ATXN1: variants seen among roughly 807,000 people sequenced by gnomAD.
The protein encoded by ATXN1 is ataxin 1, also known as ataxin-1.
Under a neutral mutation model 56.4 loss-of-function variants are expected in ATXN1, and 8 were observed. The ratio of observed to expected loss-of-function variants is 0.14; its 90% CI spans 0.08 to 0.26. The LOEUF (loss-of-function observed/expected upper bound fraction) is 0.26. Ranked by LOEUF, ATXN1 falls within the 10% of genes least tolerant of loss-of-function variation. The pLI is 1.00. For synonymous variants in ATXN1, 514 were observed against 494.6 expected, an observed-to-expected ratio of 1.04 and a Z score of -0.52; for missense variants, 987 against 1,106.5, an observed-to-expected ratio of 0.89 and a Z score of 1.53.
Position 16,726,380 on chromosome 6 carries a change from C to CAA in ATXN1, c.-615+26851_-615+26852dup, listed in dbSNP as rs10716233. ...TGGGTGGCAGAGCAAGACTCTGTCTCAAAAAAAAAAAAAAAAAGGGAAGGG... is the reference window on the plus strand; with the variant it reads ...TGGGTGGCAGAGCAAGACTCTGTCTCAAAAAAAAAAAAAAAAAAAGGGAAGGG... On this transcript the variant is annotated intron_variant, in intron 2 of 7. Coordinates refer to ENST00000436367, the MANE Select transcript of ATXN1 (RefSeq NM_001128164.2). Among the ~76,000 whole-genome samples the CAA allele has an allele frequency of 2.7e-4, 34 of 124,240 alleles. 1 individual carries two copies. The highest frequency in any genetic ancestry group is 2.8e-4 in the Non-Finnish European group (16 of 57,972). 81.5% of individuals were successfully genotyped at this position (124,240 alleles called of 152,430 possible). A position where few individuals can be genotyped will look rare whatever the true frequency, so the allele number is the denominator to read the frequency against.
At chr6:16,759,072 T>C (rs933492375) in intron 1 of ATXN1, among the ~76,000 whole-genome samples, 4 of 152,180 alleles carry the variant, frequency 2.6e-5, no homozygotes, top group Non-Finnish European at 5.9e-5. Flanking sequence ...TGCAGCCTCC[T>C]AAAAAACCCA....
chr6:16,426,888 AG>A (rs1187630623), intron 6 of ATXN1, among the ~76,000 whole-genome samples: 2 of 151,114 alleles, frequency 1.3e-5, no homozygotes, highest in Admixed American at 6.6e-5. Context: ...AAAAAAAAAA[AG>A]ACCAAGTAGA....
At chr6:16,414,966 C>G (rs1420856621) in intron 6 of ATXN1, among the ~76,000 whole-genome samples, 1 of 152,198 alleles carries the variant, frequency 6.6e-6, no homozygotes, top group Non-Finnish European at 1.5e-5. Flanking sequence ...CAAAATGTCA[C>G]TTATAATTAG....
chr6:16,592,621 G>A (rs1762742423), intron 3 of ATXN1, among the ~76,000 whole-genome samples: 1 of 152,032 alleles, frequency 6.6e-6, no homozygotes, highest in South Asian at 2.1e-4. Context: ...TTGGTAGGAA[G>A]CACTATACAG....
chr6:16,562,046 G>A (rs1762128746), intron 4 of ATXN1, among the ~76,000 whole-genome samples: 1 of 152,074 alleles, frequency 6.6e-6, no homozygotes, highest in Non-Finnish European at 1.5e-5. Context: ...AGCAGTAGAG[G>A]GTAAGAGAAA....
At chr6:16,516,286 ATTC>A (rs1440832852) in intron 5 of ATXN1, among the ~76,000 whole-genome samples, 15 of 152,182 alleles carry the variant, frequency 9.9e-5, no homozygotes, top group African/African-American at 3.4e-4. Flanking sequence ...GTCACAATGC[ATTC>A]TTAAGTTCAT....
At chr6:16,693,356 G>A (rs1221436194) in intron 2 of ATXN1, among the ~76,000 whole-genome samples, 1 of 152,170 alleles carries the variant, frequency 6.6e-6, no homozygotes, top group East Asian at 1.9e-4. Flanking sequence ...CAGCGGCCTT[G>A]CTTCCTTTCC....
chr6:16,491,741 G>A (rs1159190467), intron 5 of ATXN1, among the ~76,000 whole-genome samples: 1 of 152,168 alleles, frequency 6.6e-6, no homozygotes, highest in Non-Finnish European at 1.5e-5. Flanking sequence ...AAGGGATTTT[G>A]CAAATATAAG....
At chr6:16,674,336 CTTTTTTTTTT>C (rs869081370) in intron 2 of ATXN1, among the ~76,000 whole-genome samples, 1 of 78,114 alleles carries the variant, frequency 1.3e-5, no homozygotes, top group Admixed American at 1.8e-4. Flanking sequence ...AGAGAACTTT[CTTTTTTTTTT>C]TTTTTTTTTT....
chr6:16,640,421 C>A (rs568688318), intron 3 of ATXN1, among the ~76,000 whole-genome samples: 3 of 152,114 alleles, frequency 2.0e-5, no homozygotes, highest in Non-Finnish European at 4.4e-5. Context: ...CGGGGGCTCA[C>A]GCCTGTAATC....
At chr6:16,548,307 T>C (rs1761852215) in intron 4 of ATXN1, among the ~76,000 whole-genome samples, 6 of 152,206 alleles carry the variant, frequency 3.9e-5, no homozygotes, top group Admixed American at 3.9e-4. Context: ...TTGCTCTGGG[T>C]GAGTCAGTGA....
intron 3 of ATXN1, among the ~76,000 whole-genome samples, chr6:16,643,676 C>T (rs910845365): frequency 6.0e-5 from 9 of 150,452 alleles, no homozygotes; most frequent in African/African-American, 1.7e-4. Context: ...GGACTATGAG[C>T]CTGCTTGCAG....
At chr6:16,604,972 A>G (rs921998220) in intron 3 of ATXN1, among the ~76,000 whole-genome samples, 4 of 152,248 alleles carry the variant, frequency 2.6e-5, no homozygotes, top group African/African-American at 9.6e-5. Flanking sequence ...TATGTGAATT[A>G]TATTACATGC....
intron 4 of ATXN1, among the ~76,000 whole-genome samples, chr6:16,577,035 G>A (rs574804367): frequency 3.9e-5 from 6 of 152,214 alleles, no homozygotes; most frequent in East Asian, 3.9e-4. Context: ...AAGATTTACC[G>A]TGCTTCACTG....
chr6:16,440,649 A>AAAAAAAAAAAAAAAAAAGAAAG (rs56105499), intron 6 of ATXN1, among the ~76,000 whole-genome samples: 1 of 113,660 alleles, frequency 8.8e-6, no homozygotes, highest in African/African-American at 3.7e-5. Flanking sequence ...TTAAAAAAAA[A>AAAAAAAAAAAAAAAAAAGAAAG]AAAGAAAAGA....
At chr6:16,365,887 A>G (rs1189801633) in intron 6 of ATXN1, among the ~76,000 whole-genome samples, 2 of 152,130 alleles carry the variant, frequency 1.3e-5, no homozygotes, top group Non-Finnish European at 2.9e-5. Context: ...ATTTCCACTT[A>G]CATGCCTGCC....
At chr6:16,541,682 T>C (rs1761716490) in intron 4 of ATXN1, among the ~76,000 whole-genome samples, 1 of 152,166 alleles carries the variant, frequency 6.6e-6, no homozygotes, top group Non-Finnish European at 1.5e-5. Flanking sequence ...GTGCCGCACT[T>C]GGACCTGTAT....
intron 7 of ATXN1, among the ~76,000 whole-genome samples, chr6:16,316,580 AC>A (rs145549085): frequency 0.033 from 4,969 of 152,184 alleles, 153 homozygotes; most frequent in South Asian, 0.05. Context: ...CCCTGTCTCT[AC>A]TAAAAATACA....
intron 2 of ATXN1, among the ~76,000 whole-genome samples, chr6:16,746,140 C>T (rs1760529696): frequency 6.6e-6 from 1 of 152,094 alleles, no homozygotes; most frequent in Admixed American, 6.5e-5. Context: ...ACCACAAAGC[C>T]AGGAGCCAGA....
Sources: gnomAD v4.1 joint callset for allele counts (sites outside exome capture counted in the v4.1 genomes callset) on GRCh38, gnomAD v4.1.1 for gene constraint, MANE v1.5 for transcripts, NCBI Gene and HGNC (gene_info 2026-07-23, HGNC 2026-07-21) for gene names.